ICA1L: variants seen among roughly 807,000 people sequenced by gnomAD.
The protein encoded by ICA1L is islet cell autoantigen 1 like, also known as islet cell autoantigen 1-like protein.
A neutral mutation model predicts 61.3 loss-of-function variants in ICA1L; 50 were observed. That is an observed-to-expected ratio of 0.82 (90% confidence interval 0.65 to 1.03). ICA1L has a LOEUF of 1.03. Among genes scored for constraint, ICA1L ranks in the 50% least tolerant of loss-of-function variants. The pLI is 0.00. For synonymous variants in ICA1L, 161 were observed against 191.3 expected (o/e 0.84, Z 1.31); for missense variants, 508 against 556.7 (o/e 0.91, Z 0.88).
rs1278785097 is a variant in ICA1L at position 202,779,269 on chromosome 2, A to G, written c.*264T>C. 5.8e-6 allele frequency: 2 copies of G among 346,714 alleles called. No individual in the cohort carries two copies. The highest frequency in any genetic ancestry group is 4.2e-5 in the African/African-American group (2 of 47,528). The allele number at this position is 346,714 out of a possible 1,614,324, so 21.5% of individuals were successfully genotyped here. A position where few individuals can be genotyped will look rare whatever the true frequency, so the allele number is the denominator to read the frequency against. ...TTGACATAAATTTCAGTATCTAAAT[A>G]TCGCAAACTCTGTAGTTTCTAATAT... On this transcript the variant is annotated 3_prime_UTR_variant, in exon 13 of 13. Coordinates refer to ENST00000358299, the MANE Select transcript of ICA1L (RefSeq NM_001288622.3).
At chr2:202,787,652 G>A (rs568445893) in intron 11 of ICA1L, among the ~76,000 whole-genome samples, 44 of 152,334 alleles carry the variant, frequency 2.9e-4, no homozygotes, top group African/African-American at 1.0e-3. Context: ...CACATATCAT[G>A]CCCTTGGGAT....
At chr2:202,813,759 A>T (rs1270852989) in intron 8 of ICA1L, among the ~76,000 whole-genome samples, 1 of 152,260 alleles carries the variant, frequency 6.6e-6, no homozygotes, top group Non-Finnish European at 1.5e-5. Context: ...CTTTGAAAGA[A>T]AAACAAAGGG....
chr2:202,841,941 C>T (rs1694346860), intron 1 of ICA1L, among the ~76,000 whole-genome samples: 1 of 151,904 alleles, frequency 6.6e-6, no homozygotes, highest in Admixed American at 6.6e-5. Context: ...TCCTTAACCT[C>T]CCAGGTTCAA....
At position 202,773,815 on chromosome 2, in the gene ICA1L, A is replaced by G. The variant is rs1692128636; in HGVS notation, c.*5718T>C. 7.2e-7 allele frequency: 1 copy of G among 1,396,292 alleles called. No homozygotes were observed. Among genetic ancestry groups the G allele is most frequent in the South Asian group, 1.2e-5 (1 of 86,346 alleles). 86.5% of individuals were successfully genotyped at this position (1,396,292 alleles called of 1,614,324 possible). ...ATAGGCAAGAGCAGGCTGTAAAAGC[A>G]AAGGCTAGCTGTGCAAGTGCAGCCC... On this transcript the variant is annotated 3_prime_UTR_variant, in exon 13 of 13. Coordinates refer to ENST00000358299, the MANE Select transcript of ICA1L (RefSeq NM_001288622.3).
At chr2:202,843,897 C>T (rs1392176501) in intron 1 of ICA1L, among the ~76,000 whole-genome samples, 5 of 152,202 alleles carry the variant, frequency 3.3e-5, no homozygotes, top group Non-Finnish European at 5.9e-5. Flanking sequence ...TTATATAGAA[C>T]ATTTCCAACT....
At chr2:202,834,717 T>C (rs2105865299) in intron 1 of ICA1L, among the ~76,000 whole-genome samples, 1 of 152,318 alleles carries the variant, frequency 6.6e-6, no homozygotes, top group South Asian at 2.1e-4. Context: ...AAAAACATCA[T>C]TGATATGTTT....
chr2:202,839,608 GTGTGTGTGTGTTTT>G (rs1694264992), intron 1 of ICA1L, among the ~76,000 whole-genome samples: 1 of 71,890 alleles, frequency 1.4e-5, no homozygotes, highest in African/African-American at 3.7e-5. Flanking sequence ...GTGTGTGTGT[GTGTGTGTGTGTTTT>G]GTTTTGTTTT....
At chr2:202,794,598 C>A (rs1400180257) in intron 10 of ICA1L, among the ~76,000 whole-genome samples, 1 of 152,070 alleles carries the variant, frequency 6.6e-6, no homozygotes, top group African/African-American at 2.4e-5. Flanking sequence ...ACAAGATTAT[C>A]TCTATTTTCA....
intron 9 of ICA1L, among the ~76,000 whole-genome samples, chr2:202,810,769 AAG>A (rs1487198791): frequency 6.6e-6 from 1 of 152,200 alleles, no homozygotes; most frequent in Non-Finnish European, 1.5e-5. Context: ...ATCCCTGAGA[AAG>A]AGAATGTGTC....
At chr2:202,818,064 A>G (rs1225263158) in intron 5 of ICA1L, among the ~76,000 whole-genome samples, 1 of 152,240 alleles carries the variant, frequency 6.6e-6, no homozygotes, top group Non-Finnish European at 1.5e-5. Flanking sequence ...TAAGGCACCT[A>G]TTATATGCAA....
At chr2:202,782,266 A>C (rs375995496) in intron 12 of ICA1L, among the ~76,000 whole-genome samples, 29 of 152,064 alleles carry the variant, frequency 1.9e-4, no homozygotes, top group African/African-American at 7.0e-4. Context: ...AATTGCTTGA[A>C]CCCGGGAGGC....
At position 202,774,430 on chromosome 2, in the gene ICA1L, G is replaced by A. The variant is rs1268751864; in HGVS notation, c.*5103C>T. ...GCCAGGGTCGAGCCCCTGGCTCCCC[G>A]TTCGTCCAGGCCAGCTCAAGAAACA... is the stretch of plus-strand genomic sequence containing the variant. On this transcript the variant is annotated 3_prime_UTR_variant, in exon 13 of 13. Transcript: ENST00000358299. 4 of 722,756 alleles carry A rather than the reference G, an allele frequency of 5.5e-6. No individual in the cohort carries two copies. Among genetic ancestry groups the A allele is most frequent in the Non-Finnish European group, 6.0e-6 (3 of 497,310 alleles). The allele number at this position is 722,756 out of a possible 1,614,324, so 44.8% of individuals were successfully genotyped here. A position where few individuals can be genotyped will look rare whatever the true frequency, so the allele number is the denominator to read the frequency against.
chr2:202,829,002 G>A lies in ICA1L; in HGVS notation c.8C>T (p.Ser3Phe), dbSNP rs1320598759. Residue 3 changes from serine to phenylalanine, a missense_variant, in exon 2 of 13, where the codon TCC becomes TTC. Transcript: ENST00000358299. ...ATCTTCTGGTCTGGGTTGCCCAAAG[G>A]AATCCATGGAGTGACTACAATGAAC... MD[S>F]FGQPRPEDNQ... 1.8e-5 allele frequency: 29 copies of A among 1,575,474 alleles called. No homozygotes were observed. The highest frequency in any genetic ancestry group is 2.5e-5 in the Non-Finnish European group (29 of 1,165,642).
chr2:202,824,378 C>T (rs1234455305), intron 3 of ICA1L, among the ~76,000 whole-genome samples: 3 of 150,944 alleles, frequency 2.0e-5, no homozygotes, highest in East Asian at 3.9e-4. Context: ...CTAGCCTGGG[C>T]GACAGAGTGA....
chr2:202,779,659 A>C lies in ICA1L; in HGVS notation c.1334-11T>G. ...TGCCATTGTTGGGGGCTATTAAAAA[A>C]GAAAAAAAATACATTAAAGAGATTC... On this transcript the variant is annotated splice_polypyrimidine_tract_variant and intron_variant, in intron 12 of 12. Coordinates refer to ENST00000358299, the MANE Select transcript of ICA1L (RefSeq NM_001288622.3). The C allele has an allele frequency of 6.6e-7, 1 of 1,511,890 alleles. No individual in the cohort carries two copies. The highest frequency in any genetic ancestry group is 9.1e-7 in the Non-Finnish European group (1 of 1,095,360). The allele number at this position is 1,511,890 out of a possible 1,614,324, so 93.7% of individuals were successfully genotyped here.
At chr2:202,786,566 T>A (rs528012989) in intron 11 of ICA1L, 250 of 217,970 alleles carry the variant, frequency 1.1e-3, no homozygotes, top group African/African-American at 5.2e-3. Flanking sequence ...AAAAAAAAAA[T>A]AATAATAATA....
chr2:202,796,590 T>C (rs1692932786), intron 10 of ICA1L, among the ~76,000 whole-genome samples: 1 of 152,208 alleles, frequency 6.6e-6, no homozygotes, highest in African/African-American at 2.4e-5. Context: ...ATACAAACAA[T>C]TGTATTCATT....
rs1692212022 is a variant in ICA1L at position 202,776,103 on chromosome 2, A to G, written c.*3430T>C. 1 of 152,252 alleles carries G rather than the reference A, an allele frequency of 6.6e-6. No homozygotes were observed. Among genetic ancestry groups the G allele is most frequent in the Admixed American group, 6.5e-5 (1 of 15,288 alleles). 9.4% of individuals were successfully genotyped at this position (152,252 alleles called of 1,614,324 possible). A position where few individuals can be genotyped will look rare whatever the true frequency, so the allele number is the denominator to read the frequency against. ...GTCTATACAGATACGTGAAATATTTATAGTTAAAATACAAAACACTTTTTC... is the reference window on the plus strand; with the variant it reads ...GTCTATACAGATACGTGAAATATTTGTAGTTAAAATACAAAACACTTTTTC... On this transcript the variant is annotated 3_prime_UTR_variant, in exon 13 of 13. Transcript: ENST00000358299.
chr2:202,863,769 G>A (rs1687364263), intron 1 of ICA1L, among the ~76,000 whole-genome samples: 2 of 151,120 alleles, frequency 1.3e-5, no homozygotes, highest in South Asian at 4.2e-4. Context: ...GGAGCTTGCA[G>A]TGAGCCGAGA....
Sources: allele counts gnomAD v4.1 joint callset (sites outside exome capture counted in the v4.1 genomes callset), GRCh38; gene constraint gnomAD v4.1.1; transcripts MANE v1.5; gene names NCBI Gene and HGNC (gene_info 2026-07-23, HGNC 2026-07-21).